Variants in CCNY observed in about 807,000 individuals in gnomAD.
The protein encoded by CCNY is cyclin-Y.
In CCNY, 19 loss-of-function variants were observed where a neutral mutation model predicts 42.8. The ratio of observed to expected loss-of-function variants is 0.44; its 90% CI spans 0.31 to 0.65. The LOEUF (loss-of-function observed/expected upper bound fraction) is 0.65. CCNY is among the 30% of genes least tolerant of loss of function. The probability of loss-of-function intolerance (pLI) is 0.07; values close to 1 mark genes in which losing one functional copy is unlikely to be tolerated. For missense variants in CCNY, 370 were observed against 437.3 expected (o/e 0.85, Z 1.37); for synonymous variants, 165 against 162.7 (o/e 1.01, Z -0.11).
Position 35,566,194 on chromosome 10 carries a change from G to A in CCNY, c.909+9G>A. 1 of 1,610,816 alleles carries A rather than the reference G, an allele frequency of 6.2e-7. No individual in the cohort carries two copies. Among genetic ancestry groups the A allele is most frequent in the African/African-American group, 1.3e-5 (1 of 74,892 alleles). Reference sequence around the variant, plus strand: ...GGGCTCACAAGCTTGAGGTAAGATGGTTTAAAACAGCGTTTTGTGGTGCAG... The same window carrying A: ...GGGCTCACAAGCTTGAGGTAAGATGATTTAAAACAGCGTTTTGTGGTGCAG... On this transcript the variant is annotated intron_variant, in intron 9 of 9. Transcript: ENST00000374704.
chr10:35,355,551 G>A (rs550736673), intron 1 of CCNY, among the ~76,000 whole-genome samples: 1 of 151,838 alleles, frequency 6.6e-6, no homozygotes, highest in African/African-American at 2.4e-5. Flanking sequence ...GGTAGCGCAT[G>A]CCTGTAGTCC....
rs116018626 is a variant in CCNY at position 35,452,047 on chromosome 10, T to C, written c.155-31357T>C. On this transcript the variant is annotated intron_variant, in intron 1 of 9. Coordinates refer to ENST00000374704, the MANE Select transcript of CCNY (RefSeq NM_145012.6). Reference sequence around the variant, plus strand: ...ATAGTAATGTATGCCAAGGTCAGACTAATATTTTGTTTACTAGCTTAGTAA... The same window carrying C: ...ATAGTAATGTATGCCAAGGTCAGACCAATATTTTGTTTACTAGCTTAGTAA... Among the ~76,000 whole-genome samples the C allele has an allele frequency of 6.8e-3, 1,034 of 152,356 alleles. 11 individuals are homozygous for C. Among genetic ancestry groups the C allele is most frequent in the African/African-American group, 0.024 (988 of 41,586 alleles).
intron 7 of CCNY, among the ~76,000 whole-genome samples, chr10:35,547,173 A>T (rs1420321563): frequency 6.6e-6 from 1 of 152,166 alleles, no homozygotes; most frequent in Non-Finnish European, 1.5e-5. Context: ...CCTCACCTAG[A>T]TCTTTATCTG....
rs1417669015 is a variant in CCNY, at chr10:35,571,789, T to C, written c.*2619T>C. On this transcript the variant is annotated 3_prime_UTR_variant, in exon 10 of 10. Coordinates refer to ENST00000374704, the MANE Select transcript of CCNY (RefSeq NM_145012.6). ...TCTACAATTAAAGCTGGATTACTAT[T>C]GAGGAACACATTGTCTTAGTGTAGT... 1 of 152,344 alleles carries C rather than the reference T, an allele frequency of 6.6e-6. No homozygotes were observed. The highest frequency in any genetic ancestry group is 1.5e-5 in the Non-Finnish European group (1 of 68,046). 9.4% of individuals were successfully genotyped at this position (152,344 alleles called of 1,614,324 possible).
chr10:35,350,426 G>A (rs1271571200), intron 1 of CCNY, among the ~76,000 whole-genome samples: 1 of 152,026 alleles, frequency 6.6e-6, no homozygotes, highest in East Asian at 1.9e-4. Flanking sequence ...CTATTCTGAT[G>A]AGGAATATGT....
chr10:35,305,679 CT>C (rs1275104965), intron 3 of CCNY, among the ~76,000 whole-genome samples: 1 of 152,166 alleles, frequency 6.6e-6, no homozygotes, highest in African/African-American at 2.4e-5. Flanking sequence ...GTTCTAATAT[CT>C]TCTTGTTTCT....
chr10:35,470,683 C>T (rs560270718), intron 1 of CCNY, among the ~76,000 whole-genome samples: 81 of 152,340 alleles, frequency 5.3e-4, no homozygotes, highest in African/African-American at 1.9e-3. Flanking sequence ...GCTGCGGCAG[C>T]CACAGCAGGA....
chr10:35,500,711 G>C (rs190392164), intron 2 of CCNY, among the ~76,000 whole-genome samples: 2 of 152,318 alleles, frequency 1.3e-5, no homozygotes, highest in East Asian at 3.9e-4. Flanking sequence ...GTGATACTAG[G>C]TTATTACAAG....
chr10:35,380,430 C>A (rs1437444171), intron 1 of CCNY, among the ~76,000 whole-genome samples: 1 of 152,178 alleles, frequency 6.6e-6, no homozygotes, highest in African/African-American at 2.4e-5. Context: ...CCAAAGAGAC[C>A]TTGGAGGTGA....
chr10:35,277,615 C>T (rs1337762037), intron 3 of CCNY, among the ~76,000 whole-genome samples: 1 of 152,210 alleles, frequency 6.6e-6, no homozygotes, highest in African/African-American at 2.4e-5. Context: ...CTCTATGAAT[C>T]CATGGTGCTT....
rs566055945 is a variant in CCNY, at chr10:35,249,847, T to C, written c.-113-675T>C. On this transcript the variant is annotated intron_variant, in intron 2 of 11. Transcript: ENST00000374706. ...GGCAGACTGCTTGAGGTCAGGAGTT[T>C]GAGACCAGCCTGGCCAACATGGTGA... Among the ~76,000 whole-genome samples the C allele has an allele frequency of 9.2e-5, 14 of 152,092 alleles. No homozygotes were observed. In the South Asian group the frequency reaches 2.9e-3, roughly 32 times the overall value.
chr10:35,474,698 A>G (rs1839467461), intron 1 of CCNY, among the ~76,000 whole-genome samples: 1 of 152,094 alleles, frequency 6.6e-6, no homozygotes, highest in Admixed American at 6.5e-5. Context: ...AGATGGGGAA[A>G]AAACAGAACA....
At chr10:35,533,321 C>T (rs1174375327) in intron 7 of CCNY, among the ~76,000 whole-genome samples, 1 of 152,138 alleles carries the variant, frequency 6.6e-6, no homozygotes, top group Admixed American at 6.5e-5. Context: ...TTGCACGCTC[C>T]TCTGTTCAGA....
intron 1 of CCNY, among the ~76,000 whole-genome samples, chr10:35,473,325 G>A (rs1339291608): frequency 6.6e-6 from 1 of 152,180 alleles, no homozygotes; most frequent in African/African-American, 2.4e-5. Flanking sequence ...GCTCTGGTGG[G>A]GCTTCACTCT....
intron 3 of CCNY, among the ~76,000 whole-genome samples, chr10:35,328,794 T>C (rs11816866): frequency 0.29 from 43,723 of 152,102 alleles, 6,574 homozygotes; most frequent in Admixed American, 0.35. Context: ...AAGCTTTATT[T>C]TGGTCTACCA....
intron 1 of CCNY, among the ~76,000 whole-genome samples, chr10:35,368,838 C>T (rs1836867124): frequency 6.7e-6 from 1 of 148,468 alleles, no homozygotes; most frequent in Non-Finnish European, 1.5e-5. Context: ...TTTTCCTTGG[C>T]TTTTCTTAAC....
intron 1 of CCNY, among the ~76,000 whole-genome samples, chr10:35,394,354 C>A (rs1257755011): frequency 6.6e-6 from 1 of 152,216 alleles, no homozygotes; most frequent in African/African-American, 2.4e-5. Context: ...TGCCTTGATT[C>A]AATTAACATG....
At chr10:35,318,242 A>G (rs1357210585) in intron 3 of CCNY, among the ~76,000 whole-genome samples, 1 of 151,938 alleles carries the variant, frequency 6.6e-6, no homozygotes, top group African/African-American at 2.4e-5. Flanking sequence ...AAATAAATAA[A>G]TAAATAAATA....
chr10:35,275,374 G>A (rs138587563), intron 3 of CCNY, among the ~76,000 whole-genome samples: 1 of 151,906 alleles, frequency 6.6e-6, no homozygotes, highest in Non-Finnish European at 1.5e-5. Flanking sequence ...TCGATTCACT[G>A]TTGTTCCTGT....
Sources: allele counts gnomAD v4.1 joint callset (sites outside exome capture counted in the v4.1 genomes callset), GRCh38; gene constraint gnomAD v4.1.1; transcripts MANE v1.5; gene names NCBI Gene and HGNC (gene_info 2026-07-23, HGNC 2026-07-21).